The following DPYSL2 variants were observed in gnomAD, a reference collection of about 807,000 sequenced individuals.
The protein encoded by DPYSL2 is dihydropyrimidinase-related protein 2.
A neutral mutation model predicts 69.9 loss-of-function variants in DPYSL2; 13 were observed. The ratio of observed to expected loss-of-function variants is 0.19; its 90% CI spans 0.12 to 0.30. DPYSL2 has a LOEUF of 0.30. Among genes scored for constraint, DPYSL2 ranks in the 10% least tolerant of loss-of-function variants. The pLI is 1.00. For synonymous variants in DPYSL2, 326 were observed against 359.1 expected (o/e 0.91, Z 1.04); for missense variants, 587 against 918.9 (o/e 0.64, Z 4.67).
chr8:26,589,652 G>C (rs1801679911), intron 3 of DPYSL2, among the ~76,000 whole-genome samples: 1 of 152,248 alleles, frequency 6.6e-6, no homozygotes, highest in South Asian at 2.1e-4. Context: ...CCTGTGGTCA[G>C]ATCTGGTCAT....
rs1803252821 is a variant in DPYSL2, at chr8:26,650,169, G to A, written c.1597-2088G>A. On this transcript the variant is annotated intron_variant, in intron 11 of 13. Coordinates refer to ENST00000521913, the MANE Select transcript of DPYSL2 (RefSeq NM_001197293.3). The surrounding 1 kb of genome is among the most constrained non-coding windows in gnomAD (Gnocchi z 5.3). ...TTTATTTCATTTGATTCTCACATGA[G>A]TCCTGCAAAGGGGGACCTACTTACC... Among the ~76,000 whole-genome samples, 1 of 152,218 alleles carries A rather than the reference G, an allele frequency of 6.6e-6. No homozygotes were observed. Among genetic ancestry groups the A allele is most frequent in the Non-Finnish European group, 1.5e-5 (1 of 68,038 alleles).
chr8:26,574,477 T>A (rs1397361676), intron 1 of DPYSL2, among the ~76,000 whole-genome samples: 1 of 152,190 alleles, frequency 6.6e-6, no homozygotes, highest in Non-Finnish European at 1.5e-5. Flanking sequence ...GATGTTACCA[T>A]TTCACTAAAC....
At chr8:26,551,419 A>G (rs1800872594) in intron 1 of DPYSL2, among the ~76,000 whole-genome samples, 2 of 152,230 alleles carry the variant, frequency 1.3e-5, no homozygotes, top group Non-Finnish European at 2.9e-5. Context: ...CTAACAACAG[A>G]GCATCAAAAT....
intron 1 of DPYSL2, among the ~76,000 whole-genome samples, chr8:26,527,827 G>C (rs1808506603): frequency 7.9e-6 from 1 of 126,002 alleles, no homozygotes; most frequent in Admixed American, 9.6e-5. Context: ...TTTTTAGATG[G>C]AGTCTTGCTC....
At chr8:26,526,328 C>T (rs1249054667) in intron 1 of DPYSL2, among the ~76,000 whole-genome samples, 1 of 152,084 alleles carries the variant, frequency 6.6e-6, no homozygotes, top group Non-Finnish European at 1.5e-5. Context: ...TTCCTGACCT[C>T]GTTATCCACC....
chr8:26,612,183 A>T (rs1025532893), intron 3 of DPYSL2, among the ~76,000 whole-genome samples: 2 of 152,192 alleles, frequency 1.3e-5, no homozygotes. Flanking sequence ...ACCCCCTCAG[A>T]TAGTAAGCAA....
Position 26,627,764 on chromosome 8 carries a change from AGTG to A in DPYSL2, c.937-105_937-103del, listed in dbSNP as rs1802653453. The A allele has an allele frequency of 9.2e-7, 1 of 1,085,458 alleles. No individual in the cohort carries two copies. The highest frequency in any genetic ancestry group is 1.4e-6 in the Non-Finnish European group (1 of 733,738). The allele number at this position is 1,085,458 out of a possible 1,614,324, so 67.2% of individuals were successfully genotyped here. A position where few individuals can be genotyped will look rare whatever the true frequency, so the allele number is the denominator to read the frequency against. On this transcript the variant is annotated intron_variant, in intron 6 of 13. Coordinates refer to ENST00000521913, the MANE Select transcript of DPYSL2 (RefSeq NM_001197293.3). The surrounding 1 kb of genome is among the most constrained non-coding windows in gnomAD (Gnocchi z 6.9). Reference sequence around the variant, plus strand: ...TTGGGATGAGGGCAGAACGATCGGCAGTGGTAATTTTCCATCTTGCCCGGATAA... The same window carrying A: ...TTGGGATGAGGGCAGAACGATCGGCAGTAATTTTCCATCTTGCCCGGATAA...
chr8:26,525,049 T>C (rs1325265895), intron 1 of DPYSL2, among the ~76,000 whole-genome samples: 1 of 152,224 alleles, frequency 6.6e-6, no homozygotes, highest in Non-Finnish European at 1.5e-5. Context: ...AGTTTTCCTC[T>C]AATTTTTAAA....
intron 1 of DPYSL2, among the ~76,000 whole-genome samples, chr8:26,545,980 T>C (rs1476268431): frequency 1.3e-5 from 2 of 152,200 alleles, no homozygotes; most frequent in African/African-American, 4.8e-5. Context: ...GTCTTTTGGC[T>C]TTTCATATAA....
chr8:26,594,153 A>T (rs1043054007), intron 3 of DPYSL2, among the ~76,000 whole-genome samples: 2 of 152,178 alleles, frequency 1.3e-5, no homozygotes, highest in Non-Finnish European at 2.9e-5. Flanking sequence ...GTGTTTCTAG[A>T]TGGCTATTTC....
rs970733111 is a variant in DPYSL2, at chr8:26,605,759, A to G, written c.629-18384A>G. On this transcript the variant is annotated intron_variant, in intron 3 of 13. Coordinates refer to ENST00000521913, the MANE Select transcript of DPYSL2 (RefSeq NM_001197293.3). This position sits in a 1 kb window ranked among gnomAD's most constrained non-coding sequence, Gnocchi z 4.1. The stretch of plus-strand genomic sequence containing the variant: ...TAGCAACATAAAATATAAAATTACT[A>G]GGAATTATAAGAATACATTCTTATA... Among the ~76,000 whole-genome samples, 3 of 152,242 alleles carry G rather than the reference A, an allele frequency of 2.0e-5. No homozygotes were observed. The highest frequency in any genetic ancestry group is 7.2e-5 in the African/African-American group (3 of 41,464).
In DPYSL2 at chr8:26,564,042, G is replaced by A. The variant is rs377469992; in HGVS notation, c.355-17927G>A. 1.8e-4 allele frequency among the ~76,000 whole-genome samples: 27 copies of A among 152,232 alleles called. No homozygotes were observed. Among genetic ancestry groups the A allele is most frequent in the Admixed American group, 9.2e-4 (14 of 15,280 alleles). On this transcript the variant is annotated intron_variant, in intron 1 of 13. Transcript: ENST00000521913. This position sits in a 1 kb window ranked among gnomAD's most constrained non-coding sequence, Gnocchi z 4.8. Reference sequence around the variant, plus strand: ...GTTTAGAAAGAAGAGTCATAAAAGCGTGAAAAGAGCCAGAAAAAAAGGCAT... The same window carrying A: ...GTTTAGAAAGAAGAGTCATAAAAGCATGAAAAGAGCCAGAAAAAAAGGCAT...
At chr8:26,638,588 G>T (rs1802969536) in intron 8 of DPYSL2, among the ~76,000 whole-genome samples, 1 of 152,228 alleles carries the variant, frequency 6.6e-6, no homozygotes, top group African/African-American at 2.4e-5. Context: ...CCGCTCTGTG[G>T]CTGTTCAGCA....
rs987682796 is a variant in DPYSL2, at chr8:26,597,764, G to A, written c.628+13781G>A. On this transcript the variant is annotated intron_variant, in intron 3 of 13. Coordinates refer to ENST00000521913, the MANE Select transcript of DPYSL2 (RefSeq NM_001197293.3). The surrounding 1 kb of genome is among the most constrained non-coding windows in gnomAD (Gnocchi z 5.2). Reference sequence around the variant, plus strand: ...GCTGGGATTACAGGCAAGAGCCACCGCACCTGGCCTCTTTTTTTTTTTTTT... The same window carrying A: ...GCTGGGATTACAGGCAAGAGCCACCACACCTGGCCTCTTTTTTTTTTTTTT... 1.4e-5 allele frequency among the ~76,000 whole-genome samples: 2 copies of A among 147,526 alleles called. No homozygotes were observed. Among genetic ancestry groups the A allele is most frequent in the African/African-American group, 2.5e-5 (1 of 40,530 alleles).
chr8:26,625,712 G>C (rs953121393), intron 4 of DPYSL2, among the ~76,000 whole-genome samples: 1 of 152,156 alleles, frequency 6.6e-6, no homozygotes, highest in African/African-American at 2.4e-5. Context: ...GTCTGCCAAA[G>C]AAAAGACATT....
chr8:26,545,053 C>T (rs1800743621), intron 1 of DPYSL2, among the ~76,000 whole-genome samples: 1 of 152,140 alleles, frequency 6.6e-6, no homozygotes, highest in African/African-American at 2.4e-5. Context: ...GACAGCAATA[C>T]ATTAATAGTA....
rs1030864806 is a variant in DPYSL2 at position 26,624,295 on chromosome 8, G to T, written c.781G>T (p.Val261Leu). 13 of 1,614,176 alleles carry T rather than the reference G, an allele frequency of 8.1e-6. No homozygotes were observed. The highest frequency in any genetic ancestry group is 1.7e-4 in the Middle Eastern group (1 of 6,058). ...CATCCAGGAGGAGATGGAAGCGCTTGTGAAGGATCACGGTAGGTTGCACTG... is the reference window on the plus strand; with the variant it reads ...CATCCAGGAGGAGATGGAAGCGCTTTTGAAGGATCACGGTAGGTTGCACTG... ...KGIQEEMEAL[V>L]KDHGVNSFLV... Residue 261 changes from valine to leucine, a missense_variant, in exon 4 of 14, where the codon GTG becomes TTG. Val to Leu is a conservative substitution (Grantham distance 32). Around this residue, in one of 3 missense-constraint regions of DPYSL2, gnomAD observed 452 missense variants for 754.3 expected, o/e 0.60. Transcript: ENST00000521913. This position sits in a 1 kb window ranked among gnomAD's most constrained non-coding sequence, Gnocchi z 4.7.
intron 1 of DPYSL2, among the ~76,000 whole-genome samples, chr8:26,567,436 C>G (rs562503257): frequency 1.1e-4 from 17 of 152,346 alleles, no homozygotes; most frequent in African/African-American, 4.1e-4. Flanking sequence ...ATCCATCCAT[C>G]CTTTCAGAAT....
intron 1 of DPYSL2, among the ~76,000 whole-genome samples, chr8:26,521,887 C>A (rs1365893226): frequency 6.6e-6 from 1 of 152,118 alleles, no homozygotes; most frequent in East Asian, 1.9e-4. Context: ...AATAATGTTC[C>A]ATTGTTTTGT....
Sources: gnomAD v4.1 joint callset for allele counts (sites outside exome capture counted in the v4.1 genomes callset) on GRCh38, gnomAD v4.1.1 for gene constraint, gnomAD v4.1.1 regional missense constraint, Gnocchi (gnomAD v3.1) non-coding constraint, MANE v1.5 for transcripts, NCBI Gene and HGNC (gene_info 2026-07-23, HGNC 2026-07-21) for gene names.